HACE1: variants seen among roughly 807,000 people sequenced by gnomAD.
HACE1 encodes HECT domain and ankyrin repeat containing E3 ubiquitin protein ligase 1.
In HACE1, 73 loss-of-function variants were observed where a neutral mutation model predicts 118.4. That is an observed-to-expected ratio of 0.62 (90% CI 0.51 to 0.75). The LOEUF is 0.75. Ranked by LOEUF, HACE1 falls within the 30% of genes least tolerant of loss-of-function variation. The pLI is 0.00. For missense variants in HACE1, 749 were observed against 1,102.2 expected, an observed-to-expected ratio of 0.68 and a Z score of 4.54; for synonymous variants, 368 against 374.8, an observed-to-expected ratio of 0.98 and a Z score of 0.21.
At chr6:104,771,484 A>C in intron 18 of HACE1, 95 bp from the exon 19 acceptor site, 1 of 749,432 alleles carries the variant, frequency 1.3e-6, no homozygotes, top group Non-Finnish European at 2.3e-6. Flanking sequence ...ATTCTGAAAA[A>C]CTGCAAAATA....
chr6:104,845,793 T>A (rs571605314), intron 4 of HACE1: 10 of 152,280 alleles, frequency 6.6e-5, no homozygotes, highest in African/African-American at 2.4e-4. Context: ...GGGTAAACTT[T>A]TAAGATAAAA....
chr6:104,803,756 T>C lies in HACE1; in HGVS notation c.618-6731A>G, dbSNP rs546552259. Among the ~76,000 whole-genome samples, 214 of 152,250 alleles carry C rather than the reference T, an allele frequency of 1.4e-3. 4 individuals carry two copies. Among genetic ancestry groups the C allele is most frequent in the South Asian group, 0.011 (51 of 4,812 alleles). ...ATTTATGACAAACCCACAGCCAATATCATACTGAATGGGCAAAAACTGGAA... is the reference window on the plus strand; with the variant it reads ...ATTTATGACAAACCCACAGCCAATACCATACTGAATGGGCAAAAACTGGAA... On this transcript the variant is annotated intron_variant, in intron 7 of 23. Transcript: ENST00000262903.
chr6:104,756,446 T>TATATAC (rs1554225546), intron 19 of HACE1, among the ~76,000 whole-genome samples: 26 of 140,486 alleles, frequency 1.9e-4, no homozygotes, highest in African/African-American at 5.7e-4. Flanking sequence ...TATATATATA[T>TATATAC]ACACACACAC....
At chr6:104,822,894 G>A (rs539550477) in intron 6 of HACE1, among the ~76,000 whole-genome samples, 11 of 151,952 alleles carry the variant, frequency 7.2e-5, no homozygotes, top group South Asian at 6.2e-4. Context: ...ATACTGCTTC[G>A]TATTTCTATT....
intron 6 of HACE1, 101 bp downstream of exon 6, chr6:104,832,941 T>C (rs914167555): frequency 3.6e-6 from 4 of 1,100,000 alleles, no homozygotes; most frequent in Non-Finnish European, 5.5e-6. Context: ...GATTTTGCTA[T>C]AATGCTTCAT....
intron 1 of HACE1, among the ~76,000 whole-genome samples, chr6:104,853,723 A>C (rs184307237): frequency 7.9e-5 from 12 of 152,160 alleles, no homozygotes; most frequent in Non-Finnish European, 1.8e-4. Flanking sequence ...CATCACCAAA[A>C]ATAATATATG....
In HACE1 at chr6:104,859,711, A is replaced by G. The variant is rs1289531222; in HGVS notation, c.-69T>C. 2.2e-6 allele frequency: 3 copies of G among 1,354,660 alleles called. No homozygotes were observed. The African/African-American group carries it at 4.5e-5, about 20-fold the overall frequency. 83.9% of individuals were successfully genotyped at this position (1,354,660 alleles called of 1,614,324 possible). ...CGGCGGCCTCCGCGCCCAGAGCCCTACATCTCGCCTGGGCCCGTCCAGCAG... is the reference window on the plus strand; with the variant it reads ...CGGCGGCCTCCGCGCCCAGAGCCCTGCATCTCGCCTGGGCCCGTCCAGCAG... On this transcript the variant is annotated 5_prime_UTR_variant, in exon 1 of 24. The change abolishes the stop of an existing upstream ORF in the 5' untranslated region. Transcript: ENST00000262903.
chr6:104,735,912 A>C (rs947825302), intron 22 of HACE1, among the ~76,000 whole-genome samples: 2 of 152,076 alleles, frequency 1.3e-5, no homozygotes, highest in Admixed American at 6.5e-5. Context: ...CTAGATAGCC[A>C]TTAAAAATTA....
chr6:104,765,262 T>A (rs1432812928), intron 19 of HACE1, among the ~76,000 whole-genome samples: 2 of 152,220 alleles, frequency 1.3e-5, no homozygotes, highest in Non-Finnish European at 2.9e-5. Context: ...TCCCTGGTGA[T>A]CCATGCCTTT....
chr6:104,851,035 AG>A (rs1357883978), intron 2 of HACE1, 39 bp from the exon 3 acceptor site: 5 of 1,204,706 alleles, frequency 4.2e-6, no homozygotes, highest in Middle Eastern at 1.9e-4. Flanking sequence ...GTGTAAAAAA[AG>A]TTTTTAAAAA....
rs564857404 is a variant in HACE1 at position 104,730,350 on chromosome 6, G to A, written c.2580C>T (p.Ile860=). The A allele has an allele frequency of 6.7e-5, 107 of 1,601,668 alleles. 1 individual carries two copies. In the South Asian group the frequency reaches 1.1e-3, roughly 17 times the overall value. ...MGGSGLQNFT[I]AAVPYTPNLL... ...GATTTGGAGTATATGGCACAGCAGC[G>A]ATTGTAAAGTTTTGCAATCCACTTC... is the stretch of plus-strand genomic sequence containing the variant. Residue 860 remains isoleucine, a synonymous_variant, in exon 23 of 24, where the codon ATC becomes ATT. Transcript: ENST00000262903.
At chr6:104,840,367 T>C (rs1403796327) in intron 5 of HACE1, among the ~76,000 whole-genome samples, 1 of 152,118 alleles carries the variant, frequency 6.6e-6, no homozygotes, top group Non-Finnish European at 1.5e-5. Flanking sequence ...ATTGGAGGGA[T>C]ACAAGGCTAA....
chr6:104,743,882 T>C (rs1777115554), intron 22 of HACE1, among the ~76,000 whole-genome samples: 1 of 152,048 alleles, frequency 6.6e-6, no homozygotes, highest in Non-Finnish European at 1.5e-5. Context: ...ATCATTGACC[T>C]ACCTGCAGAG....
intron 6 of HACE1, chr6:104,831,238 A>G (rs1773837476): frequency 6.6e-6 from 1 of 152,268 alleles, no homozygotes; most frequent in African/African-American, 2.4e-5. Flanking sequence ...GGACACAGGA[A>G]TAACAGGAAA....
chr6:104,764,245 T>G (rs573170009), intron 19 of HACE1, among the ~76,000 whole-genome samples: 48 of 152,160 alleles, frequency 3.2e-4, no homozygotes, highest in South Asian at 1.0e-3. Flanking sequence ...GCCCAGCTAA[T>G]TTTTGTATTT....
At chr6:104,843,446 TAAAC>T in intron 4 of HACE1, 148 bp from the exon 5 acceptor site, 2 of 667,196 alleles carry the variant, frequency 3.0e-6, no homozygotes, top group South Asian at 1.6e-5. Context: ...CTGCAATATT[TAAAC>T]AAACACTACT....
chr6:104,834,962 C>A (rs768191042), intron 5 of HACE1, among the ~76,000 whole-genome samples: 1 of 152,182 alleles, frequency 6.6e-6, no homozygotes, highest in African/African-American at 2.4e-5. Flanking sequence ...TAAGAGACAA[C>A]AGGCACATTG....
chr6:104,730,441 T>G lies in HACE1; in HGVS notation c.2514-25A>C, dbSNP rs561131711. ...ACTAAGAGTTTATATCTTAATACATTGTAATCATGAAAGAAAGATATTTGT... is the reference window on the plus strand; with the variant it reads ...ACTAAGAGTTTATATCTTAATACATGGTAATCATGAAAGAAAGATATTTGT... On this transcript the variant is annotated intron_variant, in intron 22 of 23. Transcript: ENST00000262903. 3.9e-6 allele frequency: 4 copies of G among 1,018,964 alleles called. No homozygotes were observed. In the East Asian group the frequency reaches 9.5e-5, roughly 24 times the overall value. 63.1% of individuals were successfully genotyped at this position (1,018,964 alleles called of 1,614,324 possible).
intron 4 of HACE1, among the ~76,000 whole-genome samples, chr6:104,844,441 T>C (rs1192473417): frequency 6.6e-6 from 1 of 151,488 alleles, no homozygotes; most frequent in East Asian, 1.9e-4. Flanking sequence ...CCTCCCAGGT[T>C]CAAGCAATTC....
Sources: gnomAD v4.1 joint callset for allele counts (sites outside exome capture counted in the v4.1 genomes callset) on GRCh38, gnomAD v4.1.1 for gene constraint, MANE v1.5 for transcripts, NCBI Gene and HGNC (gene_info 2026-07-23, HGNC 2026-07-21) for gene names.